Variants in EDEM3 observed in about 807,000 individuals in gnomAD.
EDEM3 encodes ER degradation enhancing alpha-mannosidase like protein 3, also known as ER degradation-enhancing alpha-mannosidase-like protein 3.
A neutral mutation model predicts 110.2 loss-of-function variants in EDEM3; 60 were observed. The ratio of observed to expected loss-of-function variants is 0.54; its 90% CI spans 0.44 to 0.67. The LOEUF is 0.67. Ranked by LOEUF, EDEM3 falls within the 30% of genes least tolerant of loss-of-function variation. EDEM3 has a pLI of 0.00. For synonymous variants in EDEM3, 352 were observed against 382.9 expected, an observed-to-expected ratio of 0.92 and a Z score of 0.94; for missense variants, 996 against 1,121.0, an observed-to-expected ratio of 0.89 and a Z score of 1.59.
rs751237222 is a variant in EDEM3 at position 184,754,438 on chromosome 1, C to A, written c.158+51G>T. Reference sequence around the variant, plus strand: ...CCGGGTCGCAATGACAGGCACCCCTCCTGTTGTCAGCCTCACCGAGAAACC... The same window carrying A: ...CCGGGTCGCAATGACAGGCACCCCTACTGTTGTCAGCCTCACCGAGAAACC... On this transcript the variant is annotated intron_variant, in intron 1 of 19. Transcript: ENST00000318130. The A allele has an allele frequency of 4.4e-5, 71 of 1,609,586 alleles. No homozygotes were observed. The East Asian group carries it at 1.5e-3, about 35-fold the overall frequency.
chr1:184,737,870 G>T, intron 2 of EDEM3, 159 bp from the exon 3 acceptor site: 1 of 628,528 alleles, frequency 1.6e-6, no homozygotes, highest in Non-Finnish European at 2.6e-6. Context: ...AATTACAAAT[G>T]TAATACATGC....
chr1:184,739,183 T>C (rs1280612644), intron 2 of EDEM3, among the ~76,000 whole-genome samples: 1 of 151,114 alleles, frequency 6.6e-6, no homozygotes, highest in Non-Finnish European at 1.5e-5. Flanking sequence ...ACAGATCTAT[T>C]TGCCTATTCC....
intron 19 of EDEM3, among the ~76,000 whole-genome samples, chr1:184,702,309 ATAAACT>A (rs1649670035): frequency 6.6e-6 from 1 of 152,194 alleles, no homozygotes; most frequent in South Asian, 2.1e-4. Flanking sequence ...TATCCATGTG[ATAAACT>A]TAGATCTCAT....
chr1:184,733,656 T>G (rs999695973), intron 5 of EDEM3, among the ~76,000 whole-genome samples: 2 of 151,898 alleles, frequency 1.3e-5, no homozygotes, highest in African/African-American at 4.8e-5. Flanking sequence ...GGTGAAACCC[T>G]GTCTCTACTA....
rs71101940 is a variant in EDEM3, at chr1:184,723,865, TAAAAAAAAAAAA to T, written c.748-21_748-10del. The T allele has an allele frequency of 2.0e-5, 22 of 1,091,076 alleles. No homozygotes were observed. The highest frequency in any genetic ancestry group is 2.5e-5 in the Non-Finnish European group (21 of 832,630). 67.6% of individuals were successfully genotyped at this position (1,091,076 alleles called of 1,614,324 possible). ...GCTTTTCTGGCATATTCCTGTAATT[TAAAAAAAAAAAA>T]AAAAAAAAGAAGTGCATATTTGAAG... On this transcript the variant is annotated splice_polypyrimidine_tract_variant and intron_variant, in intron 7 of 19. Transcript: ENST00000318130.
chr1:184,715,726 T>A (rs920160564), intron 13 of EDEM3, among the ~76,000 whole-genome samples: 1 of 152,180 alleles, frequency 6.6e-6, no homozygotes, highest in African/African-American at 2.4e-5. Flanking sequence ...GTTAAACACA[T>A]AAAATGCTTA....
chr1:184,732,180 C>G (rs577644774), intron 6 of EDEM3, among the ~76,000 whole-genome samples: 1 of 150,614 alleles, frequency 6.6e-6, no homozygotes, highest in Admixed American at 6.6e-5. Context: ...CATTCCCCCC[C>G]ACCAAAAAAA....
intron 1 of EDEM3, among the ~76,000 whole-genome samples, chr1:184,751,828 G>A (rs546193899): frequency 4.9e-4 from 75 of 152,178 alleles, no homozygotes; most frequent in Non-Finnish European, 8.2e-4. Context: ...ATCTCTGCTC[G>A]CTGCAACCTT....
rs1361708299 is a variant in EDEM3, at chr1:184,702,735, G to A, written c.2389+76C>T. ...AGTGAACCCCCCAAAACAATTTTTT[G>A]TGACTCATTCTTGTTATCAAACTAG... On this transcript the variant is annotated intron_variant, in intron 19 of 19. Transcript: ENST00000318130. 12 of 1,241,770 alleles carry A rather than the reference G, an allele frequency of 9.7e-6. 1 individual carries two copies. The East Asian group carries it at 1.1e-4, about 12-fold the overall frequency. 76.9% of individuals were successfully genotyped at this position (1,241,770 alleles called of 1,614,324 possible).
At chr1:184,732,417 A>G (rs1282488659) in intron 6 of EDEM3, among the ~76,000 whole-genome samples, 1 of 152,212 alleles carries the variant, frequency 6.6e-6, no homozygotes, top group Non-Finnish European at 1.5e-5. Context: ...CAACAGAGCG[A>G]TTACAGTCAA....
chr1:184,708,507 C>A (rs1357167795), intron 16 of EDEM3, among the ~76,000 whole-genome samples, 163 bp from the exon 17 acceptor site: 10 of 152,166 alleles, frequency 6.6e-5, no homozygotes, highest in Admixed American at 6.5e-4. Flanking sequence ...AAAAATAATA[C>A]TTTCAGAAAT....
At chr1:184,723,162 G>A (rs890617383) in intron 8 of EDEM3, among the ~76,000 whole-genome samples, 4 of 151,882 alleles carry the variant, frequency 2.6e-5, no homozygotes, top group Non-Finnish European at 5.9e-5. Context: ...CTAACATCTC[G>A]TTACTGGGCA....
intron 17 of EDEM3, 52 bp from the exon 18 acceptor site, chr1:184,706,860 A>G (rs1373469531): frequency 3.2e-6 from 5 of 1,571,872 alleles, no homozygotes; most frequent in East Asian, 2.3e-5. Context: ...AATGGCAATC[A>G]AGTCATTAAA....
chr1:184,716,824 G>T, intron 13 of EDEM3, 64 bp downstream of exon 13: 1 of 1,577,626 alleles, frequency 6.3e-7, no homozygotes, highest in Non-Finnish European at 8.6e-7. Context: ...ATCCTAAATG[G>T]TAGCTGCATT....
At chr1:184,694,764 C>A (rs9425635) in intron 19 of EDEM3, among the ~76,000 whole-genome samples, 2 of 151,808 alleles carry the variant, frequency 1.3e-5, no homozygotes, top group East Asian at 1.9e-4. Flanking sequence ...CCAAGAAGTA[C>A]GCTAACCAAT....
intron 1 of EDEM3, among the ~76,000 whole-genome samples, chr1:184,753,015 G>A (rs1173645011): frequency 3.3e-5 from 5 of 152,132 alleles, no homozygotes; most frequent in African/African-American, 4.8e-5. Flanking sequence ...AGAGTTTACC[G>A]GTAATTTTAT....
chr1:184,710,139 T>C (rs1650145941), intron 16 of EDEM3, among the ~76,000 whole-genome samples: 1 of 152,166 alleles, frequency 6.6e-6, no homozygotes, highest in South Asian at 2.1e-4. Flanking sequence ...AACTTAGATT[T>C]GAGTCCTGCA....
intron 1 of EDEM3, 23 bp downstream of exon 1, chr1:184,754,466 C>T (rs749262632): frequency 3.7e-6 from 6 of 1,613,032 alleles, no homozygotes; most frequent in Non-Finnish European, 5.1e-6. Context: ...GAGAAACCCA[C>T]CCCAGGCTGC....
Position 184,694,285 on chromosome 1 carries a change from G to A in EDEM3, c.2577C>T (p.Ser859=), listed in dbSNP as rs770699770. The A allele has an allele frequency of 6.2e-7, 1 of 1,613,218 alleles. No homozygotes were observed. Among genetic ancestry groups the A allele is most frequent in the Admixed American group, 1.7e-5 (1 of 59,844 alleles). The change falls in exon 20 of 20, where the codon TCC becomes TCT. Residue 859 remains serine (S), a synonymous_variant. Transcript: ENST00000318130. The part of the protein sequence containing the change: ...LADMDNAASI[S]PSEQTSNPTE... ...TGGGATTAGAAGTCTGTTCAGAAGGGGAAATGCTTGCAGCATTGTCCATAT... is the reference window on the plus strand; with the variant it reads ...TGGGATTAGAAGTCTGTTCAGAAGGAGAAATGCTTGCAGCATTGTCCATAT...
Sources: allele counts gnomAD v4.1 joint callset (sites outside exome capture counted in the v4.1 genomes callset), GRCh38; gene constraint gnomAD v4.1.1; transcripts MANE v1.5; gene names NCBI Gene and HGNC (gene_info 2026-07-23, HGNC 2026-07-21).